RNF220: variants seen among roughly 807,000 people sequenced by gnomAD.
RNF220 encodes the protein ring finger protein 220.
A neutral mutation model predicts 67.1 loss-of-function variants in RNF220; 7 were observed. The observed-to-expected ratio is 0.10, with a 90% CI of 0.06 to 0.20. The LOEUF (loss-of-function observed/expected upper bound fraction) is 0.20. RNF220 is among the 10% of genes least tolerant of loss of function. The probability of loss-of-function intolerance (pLI) is 1.00; values close to 1 mark genes in which losing one functional copy is unlikely to be tolerated. For synonymous variants in RNF220, 270 were observed against 283.2 expected (o/e 0.95, Z 0.47); for missense variants, 565 against 740.3 (o/e 0.76, Z 2.75).
intron 2 of RNF220, among the ~76,000 whole-genome samples, chr1:44,544,823 T>C (rs1162111028): frequency 2.0e-5 from 3 of 152,186 alleles, no homozygotes; most frequent in Non-Finnish European, 2.9e-5. Flanking sequence ...TCCAAGGACA[T>C]TTTGAAGGAA....
intron 2 of RNF220, among the ~76,000 whole-genome samples, chr1:44,550,701 G>A (rs1662558314): frequency 6.6e-6 from 1 of 152,168 alleles, no homozygotes. Flanking sequence ...TTGAGCTACA[G>A]GAGCTGTACC....
chr1:44,483,872 T>C (rs1656051764), intron 2 of RNF220, among the ~76,000 whole-genome samples: 1 of 152,258 alleles, frequency 6.6e-6, no homozygotes, highest in African/African-American at 2.4e-5. Flanking sequence ...CGTATCAGAA[T>C]GCAGCTTGTC....
At chr1:44,485,473 G>C (rs1656204750) in intron 2 of RNF220, among the ~76,000 whole-genome samples, 2 of 152,122 alleles carry the variant, frequency 1.3e-5, no homozygotes, top group South Asian at 4.2e-4. Flanking sequence ...ACATCATTTT[G>C]AATCAAGAGA....
At chr1:44,541,464 G>A (rs1233723604) in intron 2 of RNF220, among the ~76,000 whole-genome samples, 5 of 152,220 alleles carry the variant, frequency 3.3e-5, no homozygotes, top group Non-Finnish European at 7.3e-5. Flanking sequence ...CACACAGCTA[G>A]TAACTGACAG....
At chr1:44,502,601 G>C (rs1230927748) in intron 2 of RNF220, among the ~76,000 whole-genome samples, 1 of 152,114 alleles carries the variant, frequency 6.6e-6, no homozygotes, top group Non-Finnish European at 1.5e-5. Context: ...TCCCTGCCCT[G>C]AAGGAGCTTA....
At chr1:44,487,177 A>T (rs1036750403) in intron 2 of RNF220, among the ~76,000 whole-genome samples, 2 of 149,824 alleles carry the variant, frequency 1.3e-5, no homozygotes, top group African/African-American at 4.9e-5. Flanking sequence ...TCTACCAAAA[A>T]TAGAAAAATT....
chr1:44,602,144 C>T (rs1262361710), intron 2 of RNF220, among the ~76,000 whole-genome samples: 1 of 151,784 alleles, frequency 6.6e-6, no homozygotes, highest in African/African-American at 2.4e-5. Context: ...AGGAGGAAGT[C>T]AAGAACAGGA....
chr1:44,479,297 T>C (rs1251362263), intron 2 of RNF220, among the ~76,000 whole-genome samples: 3 of 152,080 alleles, frequency 2.0e-5, no homozygotes, highest in Non-Finnish European at 4.4e-5. Context: ...TTTATATTTT[T>C]AGTAGAGACA....
At chr1:44,416,473 C>T (rs940055759) in intron 2 of RNF220, among the ~76,000 whole-genome samples, 1 of 152,240 alleles carries the variant, frequency 6.6e-6, no homozygotes, top group African/African-American at 2.4e-5. Flanking sequence ...CCTTAGCACT[C>T]TGGCTCCTGT....
chr1:44,442,371 G>A (rs919158063), intron 2 of RNF220, among the ~76,000 whole-genome samples: 2 of 151,956 alleles, frequency 1.3e-5, no homozygotes, highest in Admixed American at 6.6e-5. Context: ...TCCAACTCTT[G>A]GGCTCAAGCA....
chr1:44,576,045 C>A (rs1390279360), intron 2 of RNF220, among the ~76,000 whole-genome samples: 1 of 152,238 alleles, frequency 6.6e-6, no homozygotes, highest in Non-Finnish European at 1.5e-5. Flanking sequence ...CTTGGGTGAT[C>A]TACCACTTCA....
chr1:44,545,969 TCTC>T (rs1662108818), intron 2 of RNF220, among the ~76,000 whole-genome samples: 1 of 152,146 alleles, frequency 6.6e-6, no homozygotes, highest in Admixed American at 6.5e-5. Flanking sequence ...TCTTGCATGT[TCTC>T]CTACCTCATT....
At chr1:44,626,464 C>T in intron 5 of RNF220, 66 bp downstream of exon 5, 1 of 1,241,354 alleles carries the variant, frequency 8.1e-7, no homozygotes. Context: ...AAGAGCCTGC[C>T]CGGTGCTAAC....
intron 1 of RNF220, chr1:44,410,639 C>T (rs2147800156): frequency 6.6e-6 from 1 of 152,292 alleles, no homozygotes; most frequent in Admixed American, 6.5e-5. Flanking sequence ...GATTCATCTA[C>T]CGTTTAACTG....
At position 44,632,402 on chromosome 1, in the gene RNF220, C is replaced by CCCAACCCA. The variant is rs1644176851; in HGVS notation, c.949+19_949+20insAACCCACC. On this transcript the variant is annotated intron_variant, in intron 6 of 14. Coordinates refer to ENST00000361799, the MANE Select transcript of RNF220 (RefSeq NM_018150.4). ...GACTGAATGGTGAGTCCTGCCCGGC[C>CCCAACCCA]CCTCCCTCCGCCCCACCCCCGGCCT... 1 of 1,607,474 alleles carries CCCAACCCA rather than the reference C, an allele frequency of 6.2e-7. No individual in the cohort carries two copies. The highest frequency in any genetic ancestry group is 8.5e-7 in the Non-Finnish European group (1 of 1,177,388).
intron 2 of RNF220, among the ~76,000 whole-genome samples, chr1:44,552,185 G>C (rs533788076): frequency 4.6e-5 from 7 of 152,274 alleles, no homozygotes; most frequent in African/African-American, 1.7e-4. Flanking sequence ...CCTCACAATG[G>C]CCTCCTTTAG....
chr1:44,617,496 G>C (rs1234305124), intron 3 of RNF220, among the ~76,000 whole-genome samples: 2 of 152,262 alleles, frequency 1.3e-5, no homozygotes, highest in African/African-American at 4.8e-5. Flanking sequence ...ATTGTAATTG[G>C]GTGCGTGATA....
intron 2 of RNF220, among the ~76,000 whole-genome samples, chr1:44,489,800 G>C (rs1240091406): frequency 1.3e-5 from 2 of 151,704 alleles, no homozygotes; most frequent in Non-Finnish European, 2.9e-5. Context: ...GGCAGAATCT[G>C]CTTCACCAGA....
In RNF220 at chr1:44,605,232, G is replaced by A. The variant is rs1212510671; in HGVS notation, c.626-8933G>A. 8.7e-5 allele frequency among the ~76,000 whole-genome samples: 13 copies of A among 149,894 alleles called. No homozygotes were observed. The Admixed American group carries it at 8.7e-4, about 10-fold the overall frequency. ...GATAATCACTTGAACGCAGGAGGCA[G>A]AGGTTGCAGTGAGCTGAGATCACAC... is the stretch of plus-strand genomic sequence containing the variant. On this transcript the variant is annotated intron_variant, in intron 2 of 14. Coordinates refer to ENST00000361799, the MANE Select transcript of RNF220 (RefSeq NM_018150.4).
Sources: gnomAD v4.1 joint callset for allele counts (sites outside exome capture counted in the v4.1 genomes callset) on GRCh38, gnomAD v4.1.1 for gene constraint, MANE v1.5 for transcripts, NCBI Gene and HGNC (gene_info 2026-07-23, HGNC 2026-07-21) for gene names.